Variants in PLXNA4 observed in about 807,000 individuals in gnomAD.
PLXNA4 encodes the protein plexin A4.
A neutral mutation model predicts 191.8 loss-of-function variants in PLXNA4; 44 were observed. That is an observed-to-expected ratio of 0.23 (90% CI 0.18 to 0.29). PLXNA4 has a LOEUF of 0.29. PLXNA4 is among the 10% of genes least tolerant of loss of function. The pLI, the probability that PLXNA4 is intolerant of heterozygous loss-of-function variation, is 1.00. For synonymous variants in PLXNA4, 1,082 were observed against 1,009.5 expected, an observed-to-expected ratio of 1.07 and a Z score of -1.36; for missense variants, 1,800 against 2,488.8, an observed-to-expected ratio of 0.72 and a Z score of 5.89.
rs77505104 is a variant in PLXNA4 at position 132,417,412 on chromosome 7, T to C, written c.1371+71880A>G. Among the ~76,000 whole-genome samples the C allele has an allele frequency of 7.7e-3, 1,169 of 152,286 alleles. 10 individuals carry two copies. Among genetic ancestry groups the C allele is most frequent in the African/African-American group, 0.027 (1,117 of 41,544 alleles). ...TTCGTGGTTGTTCCCTCAAACTACA[T>C]ATTCAGTCACTTAAATGACGCAATT... On this transcript the variant is annotated intron_variant, in intron 3 of 31. Coordinates refer to ENST00000321063, the MANE Select transcript of PLXNA4 (RefSeq NM_020911.2).
At chr7:132,495,331 A>T (rs1176191295) in intron 2 of PLXNA4, among the ~76,000 whole-genome samples, 1 of 152,224 alleles carries the variant, frequency 6.6e-6, no homozygotes, top group Non-Finnish European at 1.5e-5. Context: ...CAGCAGGTCC[A>T]TCCCCCTGTG....
At chr7:132,411,452 T>G (rs1794457752) in intron 3 of PLXNA4, among the ~76,000 whole-genome samples, 1 of 152,188 alleles carries the variant, frequency 6.6e-6, no homozygotes, top group Non-Finnish European at 1.5e-5. Flanking sequence ...TATTTTCAGT[T>G]GAAACTGCTT....
chr7:132,599,360 T>A (rs73160204), intron 2 of PLXNA4, among the ~76,000 whole-genome samples: 90 of 152,066 alleles, frequency 5.9e-4, no homozygotes, highest in Non-Finnish European at 1.1e-3. Flanking sequence ...AAATCTATAT[T>A]TGAGCATAGC....
intron 24 of PLXNA4, among the ~76,000 whole-genome samples, chr7:132,160,499 T>A (rs1472568677): frequency 5.3e-5 from 8 of 152,208 alleles, no homozygotes; most frequent in African/African-American, 1.4e-4. Context: ...CACAGTGGGA[T>A]CTTTCTACAT....
chr7:132,248,183 A>C (rs190671562), intron 4 of PLXNA4, among the ~76,000 whole-genome samples: 1 of 152,252 alleles, frequency 6.6e-6, no homozygotes, highest in East Asian at 1.9e-4. Context: ...GAGCTTCCCG[A>C]AATAGCTGTT....
chr7:132,143,279 G>A (rs1290027607), intron 29 of PLXNA4, among the ~76,000 whole-genome samples: 6 of 152,126 alleles, frequency 3.9e-5, no homozygotes, highest in Non-Finnish European at 8.8e-5. Context: ...CTCAGGGTTG[G>A]GGGAAACTGT....
At chr7:132,451,129 G>C (rs1796105189) in intron 3 of PLXNA4, among the ~76,000 whole-genome samples, 2 of 152,216 alleles carry the variant, frequency 1.3e-5, no homozygotes, top group Admixed American at 6.5e-5. Context: ...GTCTAAGGAA[G>C]GAGCGTGAGG....
chr7:132,156,064 G>A (rs538832268), intron 25 of PLXNA4, among the ~76,000 whole-genome samples: 1 of 149,850 alleles, frequency 6.7e-6, no homozygotes, highest in East Asian at 2.0e-4. Context: ...GCAGATTTTC[G>A]ACTTGCCAGC....
chr7:132,342,783 C>T (rs1298549531), intron 3 of PLXNA4, among the ~76,000 whole-genome samples: 3 of 151,794 alleles, frequency 2.0e-5, no homozygotes, highest in African/African-American at 7.3e-5. Flanking sequence ...CCCATCTCTA[C>T]TAAAACTACA....
At chr7:132,518,332 G>T (rs1251961495) in intron 1 of PLXNA4, among the ~76,000 whole-genome samples, 1 of 152,218 alleles carries the variant, frequency 6.6e-6, no homozygotes. Flanking sequence ...CTTCCCAAGA[G>T]AAGGTCACTG....
chr7:132,159,378 G>T, intron 25 of PLXNA4, 95 bp downstream of exon 25: 1 of 1,553,182 alleles, frequency 6.4e-7, no homozygotes, highest in Non-Finnish European at 8.7e-7. Context: ...ATTCCCCTCA[G>T]ATCTCTACCC....
At chr7:132,148,043 C>T in intron 26 of PLXNA4, 44 bp from the exon 27 acceptor site, 2 of 1,613,492 alleles carry the variant, frequency 1.2e-6, no homozygotes, top group Non-Finnish European at 1.7e-6. Flanking sequence ...AGCAGCTCTG[C>T]CACTCCAGGA....
upstream of PLXNA4, among the ~76,000 whole-genome samples, chr7:132,582,091 A>T (rs546977710): frequency 2.8e-4 from 43 of 152,164 alleles, no homozygotes; most frequent in Non-Finnish European, 5.6e-4. Flanking sequence ...TCTTGGGGTT[A>T]AGTCCTGGGA....
At chr7:132,343,008 T>C (rs1417283338) in intron 3 of PLXNA4, among the ~76,000 whole-genome samples, 3 of 150,246 alleles carry the variant, frequency 2.0e-5, no homozygotes, top group South Asian at 2.1e-4. Context: ...GGATGGGGGA[T>C]ACTGGCATCT....
At chr7:132,268,670 C>T (rs1799945069) in intron 4 of PLXNA4, among the ~76,000 whole-genome samples, 1 of 152,178 alleles carries the variant, frequency 6.6e-6, no homozygotes, top group Non-Finnish European at 1.5e-5. Context: ...CTAATCTACT[C>T]CCACATGACA....
At chr7:132,350,732 C>G (rs1803449926) in intron 3 of PLXNA4, among the ~76,000 whole-genome samples, 1 of 152,128 alleles carries the variant, frequency 6.6e-6, no homozygotes, top group Admixed American at 6.5e-5. Flanking sequence ...AGCCTGGCAC[C>G]TTCTCAAGTG....
Position 132,552,609 on chromosome 7 carries a change from G to A in PLXNA4, c.-87+23813C>T, listed in dbSNP as rs114962418. Among the ~76,000 whole-genome samples the A allele has an allele frequency of 7.7e-3, 1,170 of 152,332 alleles. 16 individuals carry two copies. Among genetic ancestry groups the A allele is most frequent in the African/African-American group, 0.027 (1,123 of 41,562 alleles). On this transcript the variant is annotated intron_variant, in intron 1 of 31. Coordinates refer to ENST00000321063, the MANE Select transcript of PLXNA4 (RefSeq NM_020911.2). Reference sequence around the variant, plus strand: ...GTGAGAATAAAAAGTCCTTCTGCAAGTGTGAGGTTTCCAGCTGAAGTGGTA... The same window carrying A: ...GTGAGAATAAAAAGTCCTTCTGCAAATGTGAGGTTTCCAGCTGAAGTGGTA...
intron 12 of PLXNA4, among the ~76,000 whole-genome samples, chr7:132,199,489 G>A (rs76871591): frequency 6.6e-6 from 1 of 152,166 alleles, no homozygotes; most frequent in Non-Finnish European, 1.5e-5. Context: ...GCATCCAAGT[G>A]CCTGCTTTGA....
chr7:132,616,780 A>C (rs1209533954), intron 2 of PLXNA4, among the ~76,000 whole-genome samples: 1 of 152,004 alleles, frequency 6.6e-6, no homozygotes, highest in African/African-American at 2.4e-5. Flanking sequence ...GTTTGAAAAC[A>C]CTGCGTTTAC....
Sources: allele counts gnomAD v4.1 joint callset (sites outside exome capture counted in the v4.1 genomes callset), GRCh38; gene constraint gnomAD v4.1.1; transcripts MANE v1.5; gene names NCBI Gene and HGNC (gene_info 2026-07-23, HGNC 2026-07-21).